The following THRB variants were observed in gnomAD, a reference collection of about 807,000 sequenced individuals.
THRB encodes thyroid hormone receptor beta.
In THRB, 12 loss-of-function variants were observed where a neutral mutation model predicts 47.8. The ratio of observed to expected loss-of-function variants is 0.25; its 90% CI spans 0.16 to 0.41. The LOEUF (loss-of-function observed/expected upper bound fraction) is 0.41, where lower values mean the gene tolerates loss of function less well. THRB is among the 10% of genes least tolerant of loss of function. The pLI, the probability that THRB is intolerant of heterozygous loss-of-function variation, is 1.00. For missense variants in THRB, 348 were observed against 589.2 expected (o/e 0.59, Z 4.24); for synonymous variants, 218 against 212.2 (o/e 1.03, Z -0.24).
chr3:24,314,627 T>C (rs2057988356), intron 2 of THRB, among the ~76,000 whole-genome samples: 1 of 152,234 alleles, frequency 6.6e-6, no homozygotes, highest in Non-Finnish European at 1.5e-5. Context: ...TGCTCTGTGC[T>C]TCAGTCCTTC....
At chr3:24,476,869 A>G (rs1228796977) in intron 1 of THRB, among the ~76,000 whole-genome samples, 2 of 152,342 alleles carry the variant, frequency 1.3e-5, no homozygotes, top group African/African-American at 4.8e-5. Flanking sequence ...CTATTTGGAC[A>G]TCTCATTCAG....
chr3:24,180,867 G>C (rs1401135428), intron 5 of THRB, among the ~76,000 whole-genome samples: 2 of 152,206 alleles, frequency 1.3e-5, no homozygotes, highest in Admixed American at 6.5e-5. Flanking sequence ...TTTGGCATGA[G>C]GTCGCTGCAT....
At chr3:24,482,151 C>T (rs545829771) in intron 1 of THRB, among the ~76,000 whole-genome samples, 75 of 152,258 alleles carry the variant, frequency 4.9e-4, no homozygotes, top group African/African-American at 1.6e-3. Flanking sequence ...AATCATGCTC[C>T]ATACATCCAA....
At chr3:24,139,600 G>T (rs1559432371) in intron 8 of THRB, among the ~76,000 whole-genome samples, 1 of 152,018 alleles carries the variant, frequency 6.6e-6, no homozygotes, top group Non-Finnish European at 1.5e-5. Context: ...TTACCAGGCT[G>T]GTCTCACACT....
intron 2 of THRB, among the ~76,000 whole-genome samples, chr3:24,319,908 G>A (rs2058370605): frequency 6.6e-6 from 1 of 152,166 alleles, no homozygotes; most frequent in African/African-American, 2.4e-5. Context: ...ACAGCATTAT[G>A]GCAAACTCAG....
chr3:24,165,472 T>C, intron 5 of THRB: 1 of 612,080 alleles, frequency 1.6e-6, no homozygotes, highest in Non-Finnish European at 2.9e-6. Context: ...TACATACACA[T>C]GAAACGCGAA....
chr3:24,210,007 G>C (rs752915011), intron 4 of THRB, among the ~76,000 whole-genome samples: 9 of 152,132 alleles, frequency 5.9e-5, no homozygotes, highest in Admixed American at 1.3e-4. Flanking sequence ...TCTGTGGAGA[G>C]AACAGAATTA....
chr3:24,464,151 C>T (rs1205317145), intron 1 of THRB, among the ~76,000 whole-genome samples: 1 of 150,938 alleles, frequency 6.6e-6, no homozygotes, highest in Non-Finnish European at 1.5e-5. Context: ...AAGGCTGAGG[C>T]AGGAGAATGG....
chr3:24,336,554 C>G (rs1263919102), intron 2 of THRB, among the ~76,000 whole-genome samples: 1 of 152,140 alleles, frequency 6.6e-6, no homozygotes, highest in Non-Finnish European at 1.5e-5. Context: ...TGAAAACAAA[C>G]TGGATCCTAA....
intron 3 of THRB, among the ~76,000 whole-genome samples, chr3:24,284,612 A>G (rs1041990701): frequency 1.3e-5 from 2 of 150,650 alleles, no homozygotes; most frequent in African/African-American, 5.0e-5. Flanking sequence ...GCTTCTGCAC[A>G]GCAAAAGAAA....
chr3:24,382,024 C>T (rs1047345992), intron 1 of THRB, among the ~76,000 whole-genome samples: 10 of 151,480 alleles, frequency 6.6e-5, no homozygotes, highest in Non-Finnish European at 8.8e-5. Context: ...CAAGCAAATA[C>T]TGATAAAAAA....
chr3:24,152,968 AAAAAAG>A (rs748352337), intron 5 of THRB, among the ~76,000 whole-genome samples: 1 of 97,940 alleles, frequency 1.0e-5, no homozygotes, highest in African/African-American at 4.5e-5. Context: ...GCCAAAAAAA[AAAAAAG>A]AAAGAAAGAA....
At chr3:24,463,970 G>A (rs2073914618) in intron 1 of THRB, among the ~76,000 whole-genome samples, 1 of 152,212 alleles carries the variant, frequency 6.6e-6, no homozygotes, top group Non-Finnish European at 1.5e-5. Context: ...GTTGCGGCTG[G>A]GCGCGGTGGC....
intron 1 of THRB, among the ~76,000 whole-genome samples, chr3:24,484,949 T>C (rs1697071482): frequency 6.6e-6 from 1 of 152,234 alleles, no homozygotes; most frequent in South Asian, 2.1e-4. Context: ...GATATTTCCA[T>C]AATGCCACCC....
intron 5 of THRB, among the ~76,000 whole-genome samples, chr3:24,153,762 A>C (rs1427267866): frequency 2.0e-5 from 3 of 152,152 alleles, no homozygotes; most frequent in African/African-American, 7.2e-5. Flanking sequence ...CATAAGACCA[A>C]ACAATCAAAA....
At chr3:24,322,744 A>T (rs1301578453) in intron 2 of THRB, among the ~76,000 whole-genome samples, 1 of 152,172 alleles carries the variant, frequency 6.6e-6, no homozygotes, top group Non-Finnish European at 1.5e-5. Flanking sequence ...CTTCTACTGG[A>T]AGTCATTTCT....
chr3:24,392,385 A>G (rs1286077407), intron 1 of THRB, among the ~76,000 whole-genome samples: 3 of 152,120 alleles, frequency 2.0e-5, no homozygotes, highest in Admixed American at 2.0e-4. Flanking sequence ...TGTGATGGGT[A>G]CATTACAACT....
chr3:24,187,713 A>G (rs1425673519), intron 5 of THRB, among the ~76,000 whole-genome samples: 1 of 152,218 alleles, frequency 6.6e-6, no homozygotes, highest in Non-Finnish European at 1.5e-5. Context: ...GATGAACATC[A>G]AAATATAACT....
At chr3:24,270,802 G>A (rs200278073) in intron 3 of THRB, among the ~76,000 whole-genome samples, 1 of 152,096 alleles carries the variant, frequency 6.6e-6, no homozygotes, top group Non-Finnish European at 1.5e-5. Context: ...GGAGTGGCTT[G>A]ACTAGTTTAT....
Sources: gnomAD v4.1 joint callset for allele counts (sites outside exome capture counted in the v4.1 genomes callset) on GRCh38, gnomAD v4.1.1 for gene constraint, MANE v1.5 for transcripts, NCBI Gene and HGNC (gene_info 2026-07-23, HGNC 2026-07-21) for gene names.